EML5: variants seen among roughly 807,000 people sequenced by gnomAD.
The protein encoded by EML5 is EMAP like 5, also known as echinoderm microtubule-associated protein-like 5.
Under a neutral mutation model 250.0 loss-of-function variants are expected in EML5, and 120 were observed. The ratio of observed to expected loss-of-function variants is 0.48; its 90% CI spans 0.41 to 0.56. EML5 has a LOEUF of 0.56. Ranked by LOEUF, EML5 falls within the 20% of genes least tolerant of loss-of-function variation. The probability of loss-of-function intolerance (pLI) is 0.00; values close to 1 mark genes in which losing one functional copy is unlikely to be tolerated. For missense variants in EML5, 2,006 were observed against 2,437.6 expected (o/e 0.82, Z 3.73); for synonymous variants, 771 against 806.5 (o/e 0.96, Z 0.75).
At chr14:88,709,186 C>T (rs191181785) in intron 10 of EML5, among the ~76,000 whole-genome samples, 56 of 151,380 alleles carry the variant, frequency 3.7e-4, no homozygotes, top group African/African-American at 1.4e-3. Flanking sequence ...TCTTTCTGAC[C>T]CTAGTAAAAG....
At chr14:88,745,167 T>TTGTTTGTTTGTGTGTG (rs148282706) in intron 3 of EML5, among the ~76,000 whole-genome samples, 3,048 of 145,246 alleles carry the variant, frequency 0.021, 41 homozygotes, top group Middle Eastern at 0.035. Context: ...AATTGTGTGT[T>TTGTTTGTTTGTGTGTG]TGTGTGTGTG....
chr14:88,622,947 T>C (rs923943905), intron 36 of EML5: 6 of 397,642 alleles, frequency 1.5e-5, no homozygotes, highest in Non-Finnish European at 2.7e-5. Flanking sequence ...AATACTCTTT[T>C]TTTCTGACAT....
At chr14:88,762,059 TC>T (rs1645305448) in intron 1 of EML5, among the ~76,000 whole-genome samples, 1 of 152,204 alleles carries the variant, frequency 6.6e-6, no homozygotes. Flanking sequence ...GTAAATTTGT[TC>T]CTTGTAGATT....
intron 39 of EML5, chr14:88,619,331 C>G (rs1168917931): frequency 6.6e-6 from 1 of 152,476 alleles, no homozygotes; most frequent in African/African-American, 2.4e-5. Flanking sequence ...CACCATTGCA[C>G]TTCAGCATGG....
chr14:88,667,160 T>G (rs1470262052), intron 21 of EML5, among the ~76,000 whole-genome samples: 1 of 152,174 alleles, frequency 6.6e-6, no homozygotes, highest in Non-Finnish European at 1.5e-5. Flanking sequence ...AAGATGCCTA[T>G]GAGAAGTTCA....
intron 18 of EML5, among the ~76,000 whole-genome samples, chr14:88,688,062 C>G (rs967109232): frequency 1.3e-5 from 2 of 152,078 alleles, no homozygotes; most frequent in Admixed American, 1.3e-4. Flanking sequence ...CAGAGTGAGA[C>G]ACTATCTCAA....
Position 88,627,833 on chromosome 14 carries a change from G to T in EML5, c.4358-14C>A, listed in dbSNP as rs775410796. The T allele has an allele frequency of 2.1e-5, 32 of 1,557,644 alleles. No individual in the cohort carries two copies. Among genetic ancestry groups the T allele is most frequent in the Non-Finnish European group, 2.5e-5 (29 of 1,154,742 alleles). Reference sequence around the variant, plus strand: ...AAGGAGCTGTAGCTAAATAAAGATAGTATCAAAAAGTTGTAATCTACCTGT... The same window carrying T: ...AAGGAGCTGTAGCTAAATAAAGATATTATCAAAAAGTTGTAATCTACCTGT... On this transcript the variant is annotated splice_polypyrimidine_tract_variant and intron_variant, in intron 33 of 43. Transcript: ENST00000554922.
chr14:88,635,062 G>T (rs749126474), intron 32 of EML5, among the ~76,000 whole-genome samples: 15 of 152,166 alleles, frequency 9.9e-5, no homozygotes, highest in Non-Finnish European at 1.8e-4. Context: ...GTACAAGTTT[G>T]CCAAGAAAGA....
chr14:88,730,935 GA>G (rs1004776028), intron 7 of EML5, among the ~76,000 whole-genome samples: 3 of 151,878 alleles, frequency 2.0e-5, no homozygotes, highest in Admixed American at 2.0e-4. Flanking sequence ...ACTTAGTGAA[GA>G]AAAAAATAAG....
At position 88,666,013 on chromosome 14, in the gene EML5, G is replaced by A. The variant is rs530309023; in HGVS notation, c.3125-524C>T. On this transcript the variant is annotated intron_variant, in intron 21 of 43. Transcript: ENST00000554922. The stretch of plus-strand genomic sequence containing the variant: ...GATTAAGTTTTCTATAGAAGTCAAT[G>A]GTATGGAATTCTAAGCAGGAATGAA... Among the ~76,000 whole-genome samples the A allele has an allele frequency of 5.3e-5, 8 of 152,192 alleles. No individual in the cohort carries two copies. In the South Asian group the frequency reaches 1.2e-3, roughly 24 times the overall value.
intron 24 of EML5, among the ~76,000 whole-genome samples, chr14:88,662,340 T>TTTG (rs1491439836): frequency 0.016 from 376 of 23,674 alleles, 6 homozygotes; most frequent in African/African-American, 0.069. Context: ...ATTTTTCTTG[T>TTTG]TTTTTTTTTT....
In EML5 at chr14:88,614,700, T is replaced by G. The variant is rs2087319915; in HGVS notation, c.*1118A>C. The G allele has an allele frequency of 6.6e-6, 1 of 152,186 alleles. No individual in the cohort carries two copies. The highest frequency in any genetic ancestry group is 2.4e-5 in the African/African-American group (1 of 41,448). The allele number at this position is 152,186 out of a possible 1,614,324, so 9.4% of individuals were successfully genotyped here. A position where few individuals can be genotyped will look rare whatever the true frequency, so the allele number is the denominator to read the frequency against. On this transcript the variant is annotated 3_prime_UTR_variant, in exon 44 of 44. Transcript: ENST00000554922. ...CAGCGAATTCCTGAATGATGAGTAG[T>G]GATCTTTGGCAGCATTTAAAGTGAA...
rs2092349806 is a variant in EML5 at position 88,667,869 on chromosome 14, C to A, written c.3125-2380G>T. 2.0e-5 allele frequency among the ~76,000 whole-genome samples: 3 copies of A among 152,208 alleles called. No homozygotes were observed. The South Asian group carries it at 6.2e-4, about 31-fold the overall frequency. On this transcript the variant is annotated intron_variant, in intron 21 of 43. Coordinates refer to ENST00000554922, the MANE Select transcript of EML5 (RefSeq NM_183387.3). ...GAAGATTCTCTGGCAGGAGTCCTCACAGTTCAATGATTTTGCCCTAGGTTA... is the reference window on the plus strand; with the variant it reads ...GAAGATTCTCTGGCAGGAGTCCTCAAAGTTCAATGATTTTGCCCTAGGTTA...
At chr14:88,638,729 TG>T (rs1286391526) in intron 32 of EML5, 79 bp downstream of exon 32, 26 of 1,193,798 alleles carry the variant, frequency 2.2e-5, no homozygotes, top group Non-Finnish European at 3.0e-5. Flanking sequence ...AATAAAATTT[TG>T]ATTTTTTCCT....
intron 39 of EML5, chr14:88,619,823 C>T (rs536012793): frequency 6.6e-6 from 1 of 152,366 alleles, no homozygotes; most frequent in South Asian, 2.1e-4. Context: ...TGCCACCACG[C>T]CCGGCTGATT....
chr14:88,774,598 C>T (rs1245840116), intron 1 of EML5, among the ~76,000 whole-genome samples: 1 of 152,150 alleles, frequency 6.6e-6, no homozygotes, highest in Non-Finnish European at 1.5e-5. Flanking sequence ...GCTGATAATT[C>T]CTTTCTCCCT....
intron 21 of EML5, among the ~76,000 whole-genome samples, chr14:88,671,047 CAA>C (rs538705187): frequency 1.3e-5 from 2 of 152,170 alleles, no homozygotes; most frequent in African/African-American, 4.8e-5. Context: ...CAAATTCAGG[CAA>C]TCCAGAGAAC....
At chr14:88,718,756 T>C (rs913302183) in intron 8 of EML5, among the ~76,000 whole-genome samples, 4 of 152,096 alleles carry the variant, frequency 2.6e-5, no homozygotes, top group Non-Finnish European at 4.4e-5. Context: ...AGAAATGTGA[T>C]GTAAGAGAGA....
chr14:88,627,404 T>C (rs1312024438), intron 34 of EML5: 4 of 494,630 alleles, frequency 8.1e-6, no homozygotes, highest in Admixed American at 3.8e-5. Flanking sequence ...TGGAAGAAAA[T>C]AGCAGTGAAT....
Sources: allele counts gnomAD v4.1 joint callset (sites outside exome capture counted in the v4.1 genomes callset), GRCh38; gene constraint gnomAD v4.1.1; transcripts MANE v1.5; gene names NCBI Gene and HGNC (gene_info 2026-07-23, HGNC 2026-07-21).